EXOC4: variants seen among roughly 807,000 people sequenced by gnomAD.
EXOC4 encodes the protein SEC8-like 1.
EXOC4 carries 71 observed loss-of-function variants against 107.2 expected under a neutral mutation model. That is an observed-to-expected ratio of 0.66 (90% CI 0.55 to 0.81). The LOEUF is 0.81. Ranked by LOEUF, EXOC4 falls within the 30% of genes least tolerant of loss-of-function variation. The probability of loss-of-function intolerance (pLI) is 0.00; values close to 1 mark genes in which losing one functional copy is unlikely to be tolerated. For missense variants in EXOC4, 1,108 were observed against 1,189.6 expected, an observed-to-expected ratio of 0.93 and a Z score of 1.01; for synonymous variants, 456 against 441.2, an observed-to-expected ratio of 1.03 and a Z score of -0.42.
intron 7 of EXOC4, among the ~76,000 whole-genome samples, chr7:133,431,897 C>A (rs1797864250): frequency 6.6e-6 from 1 of 152,200 alleles, no homozygotes; most frequent in African/African-American, 2.4e-5. Flanking sequence ...ACAGTGTGTT[C>A]AATTACCTCA....
At chr7:133,624,907 A>T (rs1802418531) in intron 9 of EXOC4, among the ~76,000 whole-genome samples, 2 of 6,912 alleles carry the variant, frequency 2.9e-4, no homozygotes. Context: ...CTCATCTCTT[A>T]TAAAAAAAAA....
intron 12 of EXOC4, among the ~76,000 whole-genome samples, chr7:133,901,727 C>T (rs1166498851): frequency 6.6e-6 from 1 of 152,218 alleles, no homozygotes; most frequent in Non-Finnish European, 1.5e-5. Context: ...TCCCATGACA[C>T]TATTCCACAT....
At chr7:133,514,045 C>G (rs1354065414) in intron 9 of EXOC4, among the ~76,000 whole-genome samples, 1 of 152,028 alleles carries the variant, frequency 6.6e-6, no homozygotes, top group East Asian at 1.9e-4. Context: ...GTTTGTTATA[C>G]TCAGACATTG....
chr7:134,031,047 G>C (rs911990404), intron 17 of EXOC4, among the ~76,000 whole-genome samples: 3 of 152,186 alleles, frequency 2.0e-5, no homozygotes, highest in African/African-American at 7.2e-5. Flanking sequence ...TCATTCATAT[G>C]AAGGACCAGA....
intron 10 of EXOC4, among the ~76,000 whole-genome samples, chr7:133,776,068 G>T (rs1160332487): frequency 1.3e-5 from 2 of 152,108 alleles, no homozygotes; most frequent in African/African-American, 4.8e-5. Context: ...AAATAAGTTG[G>T]ATATCTATTT....
chr7:133,573,906 G>A (rs1185011175), intron 9 of EXOC4, among the ~76,000 whole-genome samples: 1 of 152,178 alleles, frequency 6.6e-6, no homozygotes, highest in African/African-American at 2.4e-5. Context: ...TAACAATGTT[G>A]GGGACTTCAT....
chr7:133,748,312 T>G (rs1023435977), intron 10 of EXOC4, among the ~76,000 whole-genome samples: 1 of 152,194 alleles, frequency 6.6e-6, no homozygotes, highest in Non-Finnish European at 1.5e-5. Context: ...ACCTTAGATC[T>G]TAGAACTCTA....
At chr7:133,827,754 G>A (rs1797733624) in intron 11 of EXOC4, among the ~76,000 whole-genome samples, 1 of 152,156 alleles carries the variant, frequency 6.6e-6, no homozygotes, top group African/African-American at 2.4e-5. Context: ...GGGTTACGAG[G>A]TCAGTTTAAA....
At chr7:133,520,581 T>A (rs1267433115) in intron 9 of EXOC4, among the ~76,000 whole-genome samples, 5 of 152,186 alleles carry the variant, frequency 3.3e-5, no homozygotes, top group African/African-American at 1.2e-4. Flanking sequence ...ATGAAATATA[T>A]ATTCCAATAA....
chr7:133,579,708 G>A (rs1425548460), intron 9 of EXOC4, among the ~76,000 whole-genome samples: 2 of 142,862 alleles, frequency 1.4e-5, no homozygotes, highest in Non-Finnish European at 3.0e-5. Flanking sequence ...TTTTTCTTGA[G>A]ATGGAGTCTC....
chr7:134,092,150 G>A, the EXOC4 span, among the ~76,000 whole-genome samples: 2 of 152,104 alleles, frequency 1.3e-5, no homozygotes, highest in Non-Finnish European at 2.9e-5. Flanking sequence ...TAGGTGTGGG[G>A]TTTCTTTTTG....
At chr7:133,512,871 G>T (rs1484547328) in intron 9 of EXOC4, among the ~76,000 whole-genome samples, 1 of 152,136 alleles carries the variant, frequency 6.6e-6, no homozygotes, top group African/African-American at 2.4e-5. Context: ...GGTGGCTCAC[G>T]CCTGCGGGCG....
At chr7:133,791,172 A>G (rs547484700) in intron 10 of EXOC4, among the ~76,000 whole-genome samples, 1 of 152,308 alleles carries the variant, frequency 6.6e-6, no homozygotes, top group South Asian at 2.1e-4. Flanking sequence ...GAAGCGGGCA[A>G]CTGATCTCAT....
At chr7:133,912,765 T>C (rs910999696) in intron 12 of EXOC4, among the ~76,000 whole-genome samples, 2 of 152,094 alleles carry the variant, frequency 1.3e-5, no homozygotes, top group Non-Finnish European at 2.9e-5. Flanking sequence ...CAAAAAAGTG[T>C]AGTAGGACCA....
At chr7:133,454,244 C>T (rs1798413428) in intron 7 of EXOC4, among the ~76,000 whole-genome samples, 1 of 152,000 alleles carries the variant, frequency 6.6e-6, no homozygotes, top group African/African-American at 2.4e-5. Flanking sequence ...CTAAAAGAAC[C>T]TTTTGTTTAG....
At chr7:133,808,105 G>A (rs572189165) in intron 10 of EXOC4, among the ~76,000 whole-genome samples, 31 of 152,152 alleles carry the variant, frequency 2.0e-4, no homozygotes, top group African/African-American at 7.2e-4. Context: ...TCAGCAAATT[G>A]TCTCCTACGG....
intron 17 of EXOC4, among the ~76,000 whole-genome samples, chr7:134,058,603 G>T (rs1483611492): frequency 6.6e-6 from 1 of 152,172 alleles, no homozygotes; most frequent in Non-Finnish European, 1.5e-5. Flanking sequence ...GTGTTGTTCA[G>T]ATATAACTGC....
rs561010010 is a variant in EXOC4, at chr7:133,576,911, G to T, written c.1418-53134G>T. 5 of 1,269,562 alleles carry T rather than the reference G, an allele frequency of 3.9e-6. No individual in the cohort carries two copies. In the African/African-American group the frequency reaches 4.6e-5, roughly 12 times the overall value. The allele number at this position is 1,269,562 out of a possible 1,614,324, so 78.6% of individuals were successfully genotyped here. Reference sequence around the variant, plus strand: ...AGATTAAATTAACTTGTTTGTTCTTGCTTTCCAGATCTCTTATTCACTGCA... The same window carrying T: ...AGATTAAATTAACTTGTTTGTTCTTTCTTTCCAGATCTCTTATTCACTGCA... On this transcript the variant is annotated intron_variant, in intron 9 of 17. Coordinates refer to ENST00000253861, the MANE Select transcript of EXOC4 (RefSeq NM_021807.4).
chr7:133,763,148 A>G (rs1275936006), intron 10 of EXOC4, among the ~76,000 whole-genome samples: 1 of 152,126 alleles, frequency 6.6e-6, no homozygotes, highest in Non-Finnish European at 1.5e-5. Flanking sequence ...ATGGGGATAT[A>G]TATCCCAGTG....
Sources: allele counts gnomAD v4.1 joint callset (sites outside exome capture counted in the v4.1 genomes callset), GRCh38; gene constraint gnomAD v4.1.1; transcripts MANE v1.5; gene names NCBI Gene and HGNC (gene_info 2026-07-23, HGNC 2026-07-21).